The following CDKL2 variants were observed in gnomAD, a reference collection of about 807,000 sequenced individuals.
CDKL2 encodes cyclin dependent kinase like 2, also known as cyclin-dependent kinase-like 2.
Under a neutral mutation model 63.9 loss-of-function variants are expected in CDKL2, and 64 were observed. The ratio of observed to expected loss-of-function variants is 1.00; its 90% CI spans 0.82 to 1.23. The LOEUF (loss-of-function observed/expected upper bound fraction) is 1.23. CDKL2 is among the 50% of genes most tolerant of loss of function. CDKL2 has a pLI of 0.00. For synonymous variants in CDKL2, 211 were observed against 229.2 expected (o/e 0.92, Z 0.72); for missense variants, 656 against 668.0 (o/e 0.98, Z 0.20).
At position 75,584,586 on chromosome 4, in the gene CDKL2, C is replaced by T. The variant is rs190107458; in HGVS notation, c.1648-2688G>A. 2.9e-3 allele frequency among the ~76,000 whole-genome samples: 434 copies of T among 152,252 alleles called. 1 individual carries two copies. The highest frequency in any genetic ancestry group is 9.9e-3 in the African/African-American group (410 of 41,548). On this transcript the variant is annotated intron_variant, in intron 12 of 13. Coordinates refer to ENST00000307465, the MANE Select transcript of CDKL2 (RefSeq NM_001330724.2). ...AATTTAGTGTGTTAAGTAGTCCCCC[C>T]GATCCATGAGGGATATGTTCCAAGG...
In CDKL2 at chr4:75,614,432, G is replaced by T. The variant is rs1441778990; in HGVS notation, c.186C>A (p.Asn62Lys). The T allele has an allele frequency of 1.3e-6, 2 of 1,550,496 alleles. No individual in the cohort carries two copies. Among genetic ancestry groups the T allele is most frequent in the Non-Finnish European group, 1.7e-6 (2 of 1,143,276 alleles). Residue 62 changes from asparagine (N) to lysine (K), a missense_variant, in exon 3 of 14, where the codon AAC (asparagine) becomes AAA (lysine). Coordinates refer to ENST00000307465, the MANE Select transcript of CDKL2 (RefSeq NM_001330724.2). Reference sequence around the variant, plus strand: ...TACACACTTCCAAGAGATTCACCAAGTTTTCATGCCTAAGTTGCTGTTATT... The same window carrying T: ...TACACACTTCCAAGAGATTCACCAATTTTTCATGCCTAAGTTGCTGTTATT... ...IKLLKQLRHE[N>K]LVNLLEVCKK...
At chr4:75,618,418 C>A (rs1730023105) in intron 2 of CDKL2, among the ~76,000 whole-genome samples, 1 of 151,378 alleles carries the variant, frequency 6.6e-6, no homozygotes, top group Non-Finnish European at 1.5e-5. Context: ...CCATGCCCAG[C>A]TAATTTTGTA....
chr4:75,582,755 A>G (rs1728315773), intron 12 of CDKL2, among the ~76,000 whole-genome samples: 1 of 152,138 alleles, frequency 6.6e-6, no homozygotes, highest in South Asian at 2.1e-4. Flanking sequence ...AAGCTAATGA[A>G]AAGAAAAGAT....
At chr4:75,606,506 C>G (rs1264367781) in intron 4 of CDKL2, among the ~76,000 whole-genome samples, 4 of 152,180 alleles carry the variant, frequency 2.6e-5, no homozygotes, top group African/African-American at 7.2e-5. Flanking sequence ...AGCCGCTGCA[C>G]CCAGCCTAGG....
chr4:75,629,941 A>T (rs1730603254), intron 1 of CDKL2, 101 bp downstream of exon 1: 1 of 5,064 alleles, frequency 2.0e-4, no homozygotes, highest in African/African-American at 2.2e-3. Flanking sequence ...TCCGTCTCAA[A>T]AAAAAAAAAA....
Position 75,581,817 on chromosome 4 carries a change from A to T in CDKL2, c.*16T>A. ...ATGGGAAATCACACCTACCCAGTTCAGAACCAAAATGGTTCTCAGTGCTGG... is the reference window on the plus strand; with the variant it reads ...ATGGGAAATCACACCTACCCAGTTCTGAACCAAAATGGTTCTCAGTGCTGG... On this transcript the variant is annotated 3_prime_UTR_variant, in exon 13 of 14. Transcript: ENST00000307465. 6.3e-7 allele frequency: 1 copy of T among 1,598,222 alleles called. No homozygotes were observed. The highest frequency in any genetic ancestry group is 1.7e-5 in the Admixed American group (1 of 59,734).
Position 75,614,280 on chromosome 4 carries a change from C to T in CDKL2, c.338G>A (p.Gly113Glu), listed in dbSNP as rs1162023029. 1.2e-6 allele frequency: 2 copies of T among 1,605,722 alleles called. No homozygotes were observed. The highest frequency in any genetic ancestry group is 1.7e-5 in the Admixed American group (1 of 58,278). ...ATTGTGACTGTGACAAAATCCAATT[C>T]CATTAATAATCTGAAACAAATACTT... Reference protein sequence around the residue: ...VQKYLFQIINGIGFCHSHNII... With the variant: ...VQKYLFQIINEIGFCHSHNII... The change falls in exon 3 of 14, where the codon GGA becomes GAA. Residue 113 changes from glycine (G) to glutamate (E), a missense_variant. Transcript: ENST00000307465.
chr4:75,619,563 G>A (rs999390361), intron 2 of CDKL2, among the ~76,000 whole-genome samples: 1 of 131,530 alleles, frequency 7.6e-6, no homozygotes, highest in African/African-American at 2.9e-5. Context: ...CATGGTGATG[G>A]GCTCACAGCT....
intron 3 of CDKL2, among the ~76,000 whole-genome samples, chr4:75,609,141 G>A (rs1729562116): frequency 2.6e-5 from 4 of 152,138 alleles, no homozygotes; most frequent in Non-Finnish European, 4.4e-5. Context: ...AGTTTTAATG[G>A]AATAATTAGT....
intron 12 of CDKL2, 75 bp downstream of exon 12, chr4:75,591,744 T>G: frequency 1.1e-6 from 1 of 948,528 alleles, no homozygotes; most frequent in Non-Finnish European, 1.5e-6. Flanking sequence ...AAGAGCAAAC[T>G]CTCCCTAAAA....
intron 3 of CDKL2, 108 bp downstream of exon 3, chr4:75,614,147 G>A: frequency 1.5e-6 from 1 of 666,122 alleles, no homozygotes; most frequent in Non-Finnish European, 2.6e-6. Context: ...TAGTGTTAAA[G>A]TATACTGATG....
chr4:75,579,612 G>T (rs2148852665), intron 13 of CDKL2, among the ~76,000 whole-genome samples: 1 of 152,258 alleles, frequency 6.6e-6, no homozygotes, highest in African/African-American at 2.4e-5. Flanking sequence ...GGAGGTGGAG[G>T]TTGCAGTGAG....
chr4:75,598,279 A>G, intron 7 of CDKL2, 67 bp from the exon 8 acceptor site: 1 of 915,344 alleles, frequency 1.1e-6, no homozygotes, highest in Non-Finnish European at 1.6e-6. Flanking sequence ...TTGACTTTCA[A>G]GATATTTATT....
Position 75,576,684 on chromosome 4 carries a change from G to A in CDKL2, c.*2518C>T, listed in dbSNP as rs968110022. 6.6e-6 allele frequency among the ~76,000 whole-genome samples: 1 copy of A among 152,190 alleles called. No individual in the cohort carries two copies. Among genetic ancestry groups the A allele is most frequent in the Non-Finnish European group, 1.5e-5 (1 of 68,038 alleles). On this transcript the variant is annotated 3_prime_UTR_variant, in exon 14 of 14. Coordinates refer to ENST00000307465, the MANE Select transcript of CDKL2 (RefSeq NM_001330724.2). ...CTGACCATGGTTCAGTTATATAGAG[G>A]AGGACTTAGAAAACAAATCGATCAC...
At position 75,614,283 on chromosome 4, in the gene CDKL2, T is replaced by C; in HGVS notation, c.335A>G (p.Asn112Ser). ...GTGACTGTGACAAAATCCAATTCCA[T>C]TAATAATCTGAAACAAATACTTTTG... ...VVQKYLFQIINGIGFCHSHNI... is the reference protein window; with the variant it reads ...VVQKYLFQIISGIGFCHSHNI... The change falls in exon 3 of 14, where the codon AAT (asparagine) becomes AGT (serine). Residue 112 changes from asparagine to serine, a missense_variant. Physicochemically the swap from Asn to Ser is conservative, Grantham distance 46. Transcript: ENST00000307465. 2.5e-6 allele frequency: 4 copies of C among 1,606,634 alleles called. No homozygotes were observed. The highest frequency in any genetic ancestry group is 3.4e-6 in the Non-Finnish European group (4 of 1,177,444).
At chr4:75,614,212 A>G in intron 3 of CDKL2, 43 bp downstream of exon 3, 1 of 1,268,572 alleles carries the variant, frequency 7.9e-7, no homozygotes, top group South Asian at 1.3e-5. Flanking sequence ...AGGATTAATG[A>G]ATAAATATGT....
At chr4:75,625,540 C>A (rs1050463907) in intron 2 of CDKL2, among the ~76,000 whole-genome samples, 1 of 152,002 alleles carries the variant, frequency 6.6e-6, no homozygotes, top group African/African-American at 2.4e-5. Context: ...TAAACCCATA[C>A]AAATAAGTAG....
In CDKL2 at chr4:75,625,804, T is replaced by C; in HGVS notation, c.168+17A>G. 2 of 1,583,034 alleles carry C rather than the reference T, an allele frequency of 1.3e-6. No homozygotes were observed. The highest frequency in any genetic ancestry group is 1.4e-5 in the African/African-American group (1 of 74,018). On this transcript the variant is annotated intron_variant, in intron 2 of 13. Coordinates refer to ENST00000307465, the MANE Select transcript of CDKL2 (RefSeq NM_001330724.2). ...CTTATACTCATATTTTTTGATTCAA[T>C]ATATGCATTTACTCACCTTTAGTAA... is the stretch of plus-strand genomic sequence containing the variant.
At position 75,597,370 on chromosome 4, in the gene CDKL2, T is replaced by C. The variant is rs1049191849; in HGVS notation, c.1021-134A>G. 4.7e-5 allele frequency: 29 copies of C among 622,902 alleles called. 2 individuals are homozygous for C. In the South Asian group the frequency reaches 5.4e-4, roughly 12 times the overall value. The allele number at this position is 622,902 out of a possible 1,614,324, so 38.6% of individuals were successfully genotyped here. On this transcript the variant is annotated intron_variant, in intron 8 of 13. Coordinates refer to ENST00000307465, the MANE Select transcript of CDKL2 (RefSeq NM_001330724.2). Reference sequence around the variant, plus strand: ...TTTTTGAAACTGTTTTCTTTATTCTTCCTAGGGGATTAAAATTAAAGCCAG... The same window carrying C: ...TTTTTGAAACTGTTTTCTTTATTCTCCCTAGGGGATTAAAATTAAAGCCAG...
Sources: allele counts gnomAD v4.1 joint callset (sites outside exome capture counted in the v4.1 genomes callset), GRCh38; gene constraint gnomAD v4.1.1; transcripts MANE v1.5; gene names NCBI Gene and HGNC (gene_info 2026-07-23, HGNC 2026-07-21).